CPLANE1: variants seen among roughly 807,000 people sequenced by gnomAD.
The protein encoded by CPLANE1 is ciliogenesis and planar polarity effector complex subunit 1, also known as ciliogenesis and planar polarity effector 1.
A neutral mutation model predicts 362.5 loss-of-function variants in CPLANE1; 263 were observed. The ratio of observed to expected loss-of-function variants is 0.73; its 90% CI spans 0.66 to 0.80. The LOEUF is 0.80. Among genes scored for constraint, CPLANE1 ranks in the 30% least tolerant of loss-of-function variants. CPLANE1 has a pLI of 0.00. For synonymous variants in CPLANE1, 1,212 were observed against 1,302.6 expected (o/e 0.93, Z 1.50); for missense variants, 3,461 against 3,793.4 (o/e 0.91, Z 2.30).
rs1420827349 is a variant in CPLANE1, at chr5:37,206,317, A to T, written c.3029T>A (p.Phe1010Tyr). 1 of 1,551,644 alleles carries T rather than the reference A, an allele frequency of 6.4e-7. No individual in the cohort carries two copies. The highest frequency in any genetic ancestry group is 1.2e-5 in the South Asian group (1 of 84,058). Residue 1010 changes from phenylalanine to tyrosine, a missense_variant, in exon 17 of 53, where the codon TTT (phenylalanine) becomes TAT (tyrosine). This residue lies in a region of CPLANE1 where 3,380 missense variants were observed against 3,666.1 expected (regional missense o/e 0.92). Coordinates refer to ENST00000651892, the MANE Select transcript of CPLANE1 (RefSeq NM_001384732.1). ...WTVEYALELLFIGGLVPEAVW... is the reference protein window; with the variant it reads ...WTVEYALELLYIGGLVPEAVW... ...AGCCTCTGGAACCAGGCCACCAATA[A>T]ATAGTAATTCAAGTGCATATTCAAC...
chr5:37,083,244 AGAG>A, the CPLANE1 span, among the ~76,000 whole-genome samples: 1 of 152,214 alleles, frequency 6.6e-6, no homozygotes, highest in Non-Finnish European at 1.5e-5. Flanking sequence ...TACTACATCA[AGAG>A]AACACCCTGC....
intron 37 of CPLANE1, among the ~76,000 whole-genome samples, chr5:37,163,787 T>G (rs1777511718): frequency 6.6e-6 from 1 of 152,060 alleles, no homozygotes; most frequent in African/African-American, 2.4e-5. Context: ...ACCAACCACA[T>G]GATGAGAGGG....
At chr5:37,078,093 G>GGTTT in the CPLANE1 span, among the ~76,000 whole-genome samples, 2,203 of 152,216 alleles carry the variant, frequency 0.014, 58 homozygotes, top group African/African-American at 0.051. Flanking sequence ...AGGATGTGCA[G>GGTTT]GTTTGTTACA....
chr5:37,109,898 C>T (rs550105429), intron 51 of CPLANE1, among the ~76,000 whole-genome samples: 72 of 152,266 alleles, frequency 4.7e-4, no homozygotes, highest in African/African-American at 1.7e-3. Context: ...CTCAAGCGAT[C>T]GGCCTGCCTC....
intron 12 of CPLANE1, 74 bp downstream of exon 12, chr5:37,226,230 A>T: frequency 1.1e-6 from 1 of 932,228 alleles, no homozygotes; most frequent in Non-Finnish European, 1.5e-6. Flanking sequence ...CAATATGGGA[A>T]TTGTAGCTCA....
intron 43 of CPLANE1, among the ~76,000 whole-genome samples, chr5:37,144,233 A>C (rs10037834): frequency 0.17 from 25,968 of 148,662 alleles, 2,956 homozygotes; most frequent in African/African-American, 0.33. Flanking sequence ...CACGGTGAAA[A>C]CCCGTCTCTA....
intron 34 of CPLANE1, 23 bp from the exon 35 acceptor site, chr5:37,167,236 A>G (rs1284151326): frequency 1.9e-6 from 3 of 1,573,912 alleles, no homozygotes; most frequent in East Asian, 2.2e-5. Context: ...AACAAAGCAT[A>G]AGAATGACAA....
intron 8 of CPLANE1, among the ~76,000 whole-genome samples, chr5:37,238,131 A>T (rs1799426259): frequency 6.6e-6 from 1 of 152,166 alleles, no homozygotes; most frequent in African/African-American, 2.4e-5. Flanking sequence ...GTGAGCTATG[A>T]TCACACCACT....
rs570985560 is a variant in CPLANE1, at chr5:37,230,984, C to T, written c.1004G>A (p.Arg335His). Residue 335 changes from arginine to histidine, a missense_variant, in exon 9 of 53, where the codon CGT becomes CAT. Coordinates refer to ENST00000651892, the MANE Select transcript of CPLANE1 (RefSeq NM_001384732.1). ...GCAGGTCAATAAAACCAGAGAGCCA[C>T]GTTTTAACATACAAGCCAGAAAAAG... is the stretch of plus-strand genomic sequence containing the variant. ...DSLFLACMLK[R>H]GSLVLLTCQG... 16 of 1,551,086 alleles carry T rather than the reference C, an allele frequency of 1.0e-5. No individual in the cohort carries two copies. The African/African-American group carries it at 1.5e-4, about 15-fold the overall frequency.
At chr5:37,081,392 G>A in the CPLANE1 span, among the ~76,000 whole-genome samples, 4 of 151,926 alleles carry the variant, frequency 2.6e-5, no homozygotes, top group Admixed American at 6.6e-5. Flanking sequence ...GTGCGATCTC[G>A]GCTCACTGCA....
At chr5:37,117,226 A>G (rs575648895) in intron 50 of CPLANE1, among the ~76,000 whole-genome samples, 1 of 152,034 alleles carries the variant, frequency 6.6e-6, no homozygotes, top group African/African-American at 2.4e-5. Context: ...CATTTGTTCA[A>G]TGTTCGAGTA....
chr5:37,117,697 A>G (rs1761430953), intron 50 of CPLANE1, among the ~76,000 whole-genome samples: 1 of 152,170 alleles, frequency 6.6e-6, no homozygotes, highest in African/African-American at 2.4e-5. Flanking sequence ...TTGAAGGCCA[A>G]GCAGAGGGTC....
rs533310477 is a variant in CPLANE1, at chr5:37,226,756, T to G, written c.1839A>C (p.Lys613Asn). 103 of 1,543,028 alleles carry G rather than the reference T, an allele frequency of 6.7e-5. 2 individuals are homozygous for G. In the Middle Eastern group the frequency reaches 0.01, roughly 156 times the overall value. Residue 613 changes from lysine (K) to asparagine (N), a missense_variant, in exon 12 of 53, where the codon AAA (lysine) becomes AAC (asparagine). Lys to Asn is a moderately conservative substitution (Grantham distance 94, BLOSUM62 0). This residue lies in a region of CPLANE1 where 3,380 missense variants were observed against 3,666.1 expected (regional missense o/e 0.92). Coordinates refer to ENST00000651892, the MANE Select transcript of CPLANE1 (RefSeq NM_001384732.1). ...THFFYILQFI[K>N]CPFPKLDLVL... The stretch of plus-strand genomic sequence containing the variant: ...CAAGATCAAGTTTAGGAAAAGGACA[T>G]TTTATAAATTGAAGAATGTAAAAAA...
intron 46 of CPLANE1, among the ~76,000 whole-genome samples, chr5:37,135,663 T>C (rs1388598260): frequency 2.6e-5 from 4 of 152,012 alleles, no homozygotes; most frequent in Non-Finnish European, 4.4e-5. Context: ...TGAAACCCTG[T>C]CTCTACTAAA....
In CPLANE1 at chr5:37,184,223, T is replaced by A. The variant is rs138097324; in HGVS notation, c.4482-524A>T. On this transcript the variant is annotated intron_variant, in intron 25 of 52. Coordinates refer to ENST00000651892, the MANE Select transcript of CPLANE1 (RefSeq NM_001384732.1). ...ACACTTTTAGCTGTTATGAAACCTGTTGGGCGGACACCTTAACTGCCCAAC... is the reference window on the plus strand; with the variant it reads ...ACACTTTTAGCTGTTATGAAACCTGATGGGCGGACACCTTAACTGCCCAAC... 2.3e-3 allele frequency among the ~76,000 whole-genome samples: 343 copies of A among 152,282 alleles called. 5 individuals carry two copies. In the East Asian group the frequency reaches 0.04, roughly 18 times the overall value.
rs1486331773 is a variant in CPLANE1, at chr5:37,169,040, AG to A, written c.6983del (p.Pro2328LeufsTer9). On this transcript the variant is annotated frameshift_variant, in exon 34 of 53. Transcript: ENST00000651892. LOFTEE classifies it high-confidence loss of function. Reference protein sequence around the residue: ...DQYVGQENLTPQQDSSVFIKP... With the variant: ...DQYVGQENLTXQQDSSVFIKP... ...TTATAAACACTGAAGAGTCCTGTTG[AG>A]GTGTCAAATTTTCTTGTCCAACATA... is the stretch of plus-strand genomic sequence containing the variant. 1 of 1,614,074 alleles carries A rather than the reference AG, an allele frequency of 6.2e-7. No homozygotes were observed. The highest frequency in any genetic ancestry group is 8.5e-7 in the Non-Finnish European group (1 of 1,180,038).
At chr5:37,159,476 A>C (rs1254983692) in intron 38 of CPLANE1, among the ~76,000 whole-genome samples, 2 of 152,214 alleles carry the variant, frequency 1.3e-5, no homozygotes, top group Non-Finnish European at 2.9e-5. Context: ...CCTATAATTA[A>C]ATTTTACCAC....
chr5:37,245,685 T>A, intron 3 of CPLANE1, 25 bp downstream of exon 3: 1 of 1,476,854 alleles, frequency 6.8e-7, no homozygotes, highest in Non-Finnish European at 9.0e-7. Flanking sequence ...GTTTTAGCCA[T>A]TTGAAAATAT....
In CPLANE1 at chr5:37,120,257, C is replaced by A; in HGVS notation, c.9269G>T (p.Arg3090Met). Reference sequence around the variant, plus strand: ...GCCTTGAGGTTGCCCAAAAGACTTCCTCTTATGGATATAACTCGGTTTGGA... The same window carrying A: ...GCCTTGAGGTTGCCCAAAAGACTTCATCTTATGGATATAACTCGGTTTGGA... ...YMSKPSYIHK[R>M]KSFGQPQGSP... Residue 3090 changes from arginine (R) to methionine (M), a missense_variant, in exon 50 of 53, where the codon AGG becomes ATG. Transcript: ENST00000651892. 1 of 1,603,384 alleles carries A rather than the reference C, an allele frequency of 6.2e-7. No individual in the cohort carries two copies.
Sources: allele counts gnomAD v4.1 joint callset (sites outside exome capture counted in the v4.1 genomes callset), GRCh38; gene constraint gnomAD v4.1.1; regional missense constraint gnomAD v4.1.1; transcripts MANE v1.5; gene names NCBI Gene and HGNC (gene_info 2026-07-23, HGNC 2026-07-21).